SBF2: variants seen among roughly 807,000 people sequenced by gnomAD.
SBF2 encodes myotubularin-related protein 13.
SBF2 carries 112 observed loss-of-function variants against 225.2 expected under a neutral mutation model. That is an observed-to-expected ratio of 0.50 (90% CI 0.43 to 0.58). The LOEUF is 0.58. Ranked by LOEUF, SBF2 falls within the 20% of genes least tolerant of loss-of-function variation. The probability of loss-of-function intolerance (pLI) is 0.00; values close to 1 mark genes in which losing one functional copy is unlikely to be tolerated. For missense variants in SBF2, 1,996 were observed against 2,206.2 expected, an observed-to-expected ratio of 0.90 and a Z score of 1.91; for synonymous variants, 763 against 773.3, an observed-to-expected ratio of 0.99 and a Z score of 0.22.
intron 6 of SBF2, among the ~76,000 whole-genome samples, chr11:10,018,678 T>A (rs1186115078): frequency 1.3e-5 from 2 of 152,196 alleles, no homozygotes; most frequent in Non-Finnish European, 2.9e-5. Flanking sequence ...TCAGATTATA[T>A]CATGTAGCAA....
chr11:10,149,781 A>T (rs1338372891), intron 2 of SBF2, among the ~76,000 whole-genome samples: 1 of 152,152 alleles, frequency 6.6e-6, no homozygotes, highest in Non-Finnish European at 1.5e-5. Flanking sequence ...CTTACACAAC[A>T]AAAGTTTTCC....
At chr11:10,058,828 A>G (rs1950339949) in intron 2 of SBF2, among the ~76,000 whole-genome samples, 1 of 152,204 alleles carries the variant, frequency 6.6e-6, no homozygotes, top group East Asian at 1.9e-4. Flanking sequence ...AAATCCTACA[A>G]GCCAGAAGAG....
intron 1 of SBF2, among the ~76,000 whole-genome samples, chr11:10,194,356 A>G (rs1957287840): frequency 6.6e-6 from 1 of 152,236 alleles, no homozygotes; most frequent in Admixed American, 6.5e-5. Flanking sequence ...TATTTAGAGT[A>G]TATAGGAAAA....
chr11:10,007,494 T>C (rs1948246862), intron 6 of SBF2, among the ~76,000 whole-genome samples: 1 of 152,178 alleles, frequency 6.6e-6, no homozygotes, highest in Non-Finnish European at 1.5e-5. Context: ...CTAGATTTAC[T>C]TTGCCGCCAG....
intron 1 of SBF2, among the ~76,000 whole-genome samples, chr11:10,279,594 A>G (rs1963255376): frequency 6.6e-6 from 1 of 152,086 alleles, no homozygotes; most frequent in South Asian, 2.1e-4. Context: ...GTTCTATTAT[A>G]TGCCTACGTG....
chr11:10,245,372 T>C (rs962523911), intron 1 of SBF2, among the ~76,000 whole-genome samples: 1 of 151,566 alleles, frequency 6.6e-6, no homozygotes, highest in East Asian at 2.0e-4. Flanking sequence ...GACCTTGCCA[T>C]TGAATAGCCA....
chr11:9,856,032 C>T (rs913382349), intron 19 of SBF2, among the ~76,000 whole-genome samples: 2 of 152,136 alleles, frequency 1.3e-5, no homozygotes, highest in Non-Finnish European at 2.9e-5. Context: ...GTTTTAGTTT[C>T]AGTGGTATGA....
At chr11:9,803,616 A>G (rs1344204049) in intron 32 of SBF2, among the ~76,000 whole-genome samples, 1 of 152,190 alleles carries the variant, frequency 6.6e-6, no homozygotes, top group Non-Finnish European at 1.5e-5. Flanking sequence ...TTGTGAGTGG[A>G]TTATTTCGCT....
chr11:9,833,666 C>T (rs1855550438), intron 26 of SBF2, among the ~76,000 whole-genome samples: 1 of 152,024 alleles, frequency 6.6e-6, no homozygotes, highest in African/African-American at 2.4e-5. Context: ...GTGATCTGCC[C>T]ACCTTGGCCT....
chr11:9,917,424 C>A (rs1363995030), intron 16 of SBF2, among the ~76,000 whole-genome samples: 1 of 151,352 alleles, frequency 6.6e-6, no homozygotes, highest in Admixed American at 6.6e-5. Context: ...CTCCGCCTCC[C>A]GAGTTCAAGC....
At chr11:9,874,870 C>T (rs1045935208) in intron 17 of SBF2, among the ~76,000 whole-genome samples, 5 of 152,118 alleles carry the variant, frequency 3.3e-5, no homozygotes, top group Non-Finnish European at 5.9e-5. Context: ...AACCTATCAA[C>T]CTTGAAGAGC....
intron 2 of SBF2, among the ~76,000 whole-genome samples, chr11:10,145,892 C>G (rs1954862372): frequency 6.6e-6 from 1 of 152,122 alleles, no homozygotes; most frequent in Non-Finnish European, 1.5e-5. Flanking sequence ...GATACAATAT[C>G]AACATACAAA....
At chr11:10,058,368 C>T (rs981767380) in intron 2 of SBF2, among the ~76,000 whole-genome samples, 1 of 152,048 alleles carries the variant, frequency 6.6e-6, no homozygotes, top group Non-Finnish European at 1.5e-5. Flanking sequence ...TTTGACAATG[C>T]AATCACAAGT....
intron 2 of SBF2, among the ~76,000 whole-genome samples, chr11:10,192,885 A>G (rs1280673696): frequency 6.6e-6 from 1 of 152,204 alleles, no homozygotes; most frequent in East Asian, 1.9e-4. Context: ...ACACACCCCC[A>G]GTAAATCTGG....
chr11:9,931,408 G>C (rs1486272976), intron 16 of SBF2, among the ~76,000 whole-genome samples: 2 of 152,220 alleles, frequency 1.3e-5, no homozygotes, highest in African/African-American at 4.8e-5. Flanking sequence ...AGCTTTCAGA[G>C]GAAGGATCAG....
intron 1 of SBF2, among the ~76,000 whole-genome samples, chr11:10,299,839 G>A (rs953944653): frequency 1.3e-5 from 2 of 152,132 alleles, no homozygotes; most frequent in Non-Finnish European, 2.9e-5. Flanking sequence ...TAGCCAAAAC[G>A]ATTGTTTAAA....
At chr11:10,189,994 A>T (rs1444194560) in intron 2 of SBF2, among the ~76,000 whole-genome samples, 7 of 152,134 alleles carry the variant, frequency 4.6e-5, no homozygotes, top group Non-Finnish European at 5.9e-5. Context: ...TCTACTAAAA[A>T]TACAAAATTA....
At chr11:9,932,707 A>G (rs1169231461) in intron 16 of SBF2, among the ~76,000 whole-genome samples, 1 of 152,186 alleles carries the variant, frequency 6.6e-6, no homozygotes. Context: ...CAATGTTACA[A>G]AGAAACTGCA....
chr11:10,080,016 G>T (rs1951296436), intron 2 of SBF2, among the ~76,000 whole-genome samples: 1 of 152,050 alleles, frequency 6.6e-6, no homozygotes, highest in Non-Finnish European at 1.5e-5. Flanking sequence ...AGGAGGCTGA[G>T]CAGGGTGGAT....
Sources: gnomAD v4.1 joint callset for allele counts (sites outside exome capture counted in the v4.1 genomes callset) on GRCh38, gnomAD v4.1.1 for gene constraint, MANE v1.5 for transcripts, NCBI Gene and HGNC (gene_info 2026-07-23, HGNC 2026-07-21) for gene names.